LTBP1: variants seen among roughly 807,000 people sequenced by gnomAD.
The protein encoded by LTBP1 is latent transforming growth factor beta binding protein 1.
A neutral mutation model predicts 207.6 loss-of-function variants in LTBP1; 129 were observed. The observed-to-expected ratio is 0.62, with a 90% CI of 0.54 to 0.72. The LOEUF is 0.72. Among genes scored for constraint, LTBP1 ranks in the 30% least tolerant of loss-of-function variants. LTBP1 has a pLI of 0.00. For synonymous variants in LTBP1, 963 were observed against 833.7 expected (o/e 1.16, Z -2.67); for missense variants, 2,281 against 2,217.2 (o/e 1.03, Z -0.58).
intron 24 of LTBP1, among the ~76,000 whole-genome samples, chr2:33,324,699 C>CTT (rs35517435): frequency 0.14 from 17,819 of 123,270 alleles, 2,724 homozygotes; most frequent in African/African-American, 0.36. Context: ...TGTATTCTAT[C>CTT]TTTTTTTTTT....
intron 2 of LTBP1, among the ~76,000 whole-genome samples, chr2:32,961,348 A>G (rs1232284344): frequency 6.6e-6 from 1 of 152,214 alleles, no homozygotes; most frequent in East Asian, 1.9e-4. Flanking sequence ...AAGAAAGCCA[A>G]GTCACTGGTC....
chr2:33,046,242 C>T (rs943486914), intron 3 of LTBP1, among the ~76,000 whole-genome samples: 1 of 152,092 alleles, frequency 6.6e-6, no homozygotes, highest in Non-Finnish European at 1.5e-5. Flanking sequence ...ATGATATTGG[C>T]TGTGGGTTTG....
intron 2 of LTBP1, among the ~76,000 whole-genome samples, chr2:32,964,227 C>T (rs1024910089): frequency 2.6e-5 from 4 of 152,124 alleles, no homozygotes; most frequent in Admixed American, 2.6e-4. Context: ...AGCAATGATA[C>T]ACTTTTTTTA....
At chr2:32,963,321 C>T (rs1679425935) in intron 2 of LTBP1, among the ~76,000 whole-genome samples, 1 of 152,078 alleles carries the variant, frequency 6.6e-6, no homozygotes, top group Non-Finnish European at 1.5e-5. Context: ...CCTCGTGCCT[C>T]AGCCCCCCGA....
At chr2:33,212,158 TCA>T (rs2090356814) in intron 7 of LTBP1, among the ~76,000 whole-genome samples, 1 of 152,250 alleles carries the variant, frequency 6.6e-6, no homozygotes, top group Non-Finnish European at 1.5e-5. Context: ...ACCTTCTGCA[TCA>T]CAGTGTTCAT....
intron 31 of LTBP1, among the ~76,000 whole-genome samples, chr2:33,386,605 G>A (rs201329748): frequency 2.0e-4 from 30 of 152,264 alleles, no homozygotes; most frequent in South Asian, 6.2e-4. Context: ...TGATAGGATC[G>A]CTTGAGCCTA....
rs755604701 is a variant in LTBP1, at chr2:33,351,531, C to CTT, written c.4000+4022_4000+4023insTT. ...CTCCTGCAGTATCACCATCCAATAT[C>CTT]TGTCACCATGTTGACCTCTGGACTC... is the stretch of plus-strand genomic sequence containing the variant. On this transcript the variant is annotated intron_variant, in intron 26 of 33. Transcript: ENST00000404816. Among the ~76,000 whole-genome samples, 115 of 152,360 alleles carry CTT rather than the reference C, an allele frequency of 7.5e-4. 2 individuals carry two copies. In the Middle Eastern group the frequency reaches 0.01, roughly 14 times the overall value.
intron 3 of LTBP1, among the ~76,000 whole-genome samples, chr2:33,099,277 A>C (rs1379973062): frequency 3.9e-5 from 6 of 152,260 alleles, no homozygotes; most frequent in African/African-American, 1.4e-4. Context: ...AATAGAAAAA[A>C]AACAAGGCCA....
chr2:33,063,127 C>A (rs1291557202), intron 3 of LTBP1: 1 of 152,110 alleles, frequency 6.6e-6, no homozygotes, highest in Non-Finnish European at 1.5e-5. Context: ...GTTGTGTAAG[C>A]CCTCAATTTT....
At position 33,363,534 on chromosome 2, in the gene LTBP1, A is replaced by T. The variant is rs545008632; in HGVS notation, c.4399+16A>T. On this transcript the variant is annotated intron_variant, in intron 29 of 33. Transcript: ENST00000404816. ...CAGTGCTTTGGTAAGCTTTAGGGGG[A>T]TATAGTATGGTGTACTGTGAAAATA... 2.4e-5 allele frequency: 38 copies of T among 1,612,074 alleles called. No individual in the cohort carries two copies. The Admixed American group carries it at 2.5e-4, about 11-fold the overall frequency.
chr2:33,015,085 G>C (rs1688190072), intron 2 of LTBP1, among the ~76,000 whole-genome samples: 1 of 151,488 alleles, frequency 6.6e-6, no homozygotes, highest in Admixed American at 6.6e-5. Flanking sequence ...TAAATGTTAT[G>C]CCCCTTGTGA....
intron 3 of LTBP1, among the ~76,000 whole-genome samples, chr2:33,110,195 A>T (rs1572677880): frequency 1.3e-5 from 2 of 152,150 alleles, no homozygotes; most frequent in South Asian, 4.1e-4. Flanking sequence ...GGCTCAAGCG[A>T]TCCTCCCATC....
At chr2:33,294,430 C>T (rs1030978590) in intron 20 of LTBP1, among the ~76,000 whole-genome samples, 6 of 151,808 alleles carry the variant, frequency 4.0e-5, no homozygotes, top group African/African-American at 7.3e-5. Flanking sequence ...TGCCTGACCT[C>T]GGGTGATCTG....
intron 31 of LTBP1, among the ~76,000 whole-genome samples, chr2:33,384,436 T>C (rs1210813380): frequency 6.6e-6 from 1 of 152,214 alleles, no homozygotes; most frequent in Non-Finnish European, 1.5e-5. Context: ...TTCCATTTCC[T>C]GTTCATTTCA....
At chr2:33,376,888 G>A (rs2150316681) in intron 31 of LTBP1, among the ~76,000 whole-genome samples, 1 of 152,144 alleles carries the variant, frequency 6.6e-6, no homozygotes, top group Middle Eastern at 3.4e-3. Context: ...TGGCAGAGAA[G>A]CCAGGTACAA....
At chr2:33,096,305 TA>T (rs2079387940) in intron 3 of LTBP1, among the ~76,000 whole-genome samples, 1 of 150,878 alleles carries the variant, frequency 6.6e-6, no homozygotes, top group African/African-American at 2.4e-5. Flanking sequence ...GAAGGTGAAA[TA>T]AGATATTTTC....
intron 7 of LTBP1, among the ~76,000 whole-genome samples, chr2:33,190,698 C>G (rs1044400789): frequency 6.6e-6 from 1 of 152,148 alleles, no homozygotes; most frequent in African/African-American, 2.4e-5. Flanking sequence ...CAAATATTAG[C>G]TTAGAGAATA....
intron 9 of LTBP1, among the ~76,000 whole-genome samples, chr2:33,224,122 A>G (rs1446590806): frequency 6.6e-6 from 1 of 152,190 alleles, no homozygotes; most frequent in African/African-American, 2.4e-5. Context: ...GCTGTTCAGG[A>G]TAAAAATACT....
intron 19 of LTBP1, chr2:33,291,373 A>T (rs1355917813): frequency 6.6e-6 from 1 of 152,202 alleles, no homozygotes; most frequent in Non-Finnish European, 1.5e-5. Context: ...AAAGAGAGCA[A>T]TCCATACATT....
Sources: gnomAD v4.1 joint callset for allele counts (sites outside exome capture counted in the v4.1 genomes callset) on GRCh38, gnomAD v4.1.1 for gene constraint, MANE v1.5 for transcripts, NCBI Gene and HGNC (gene_info 2026-07-23, HGNC 2026-07-21) for gene names.